Variants in KIAA1328 observed in about 807,000 individuals in gnomAD.
The protein encoded by KIAA1328 is protein hinderin.
Under a neutral mutation model 68.1 loss-of-function variants are expected in KIAA1328, and 52 were observed. The ratio of observed to expected loss-of-function variants is 0.76; its 90% CI spans 0.61 to 0.96. KIAA1328 has a LOEUF of 0.96. KIAA1328 is among the 40% of genes least tolerant of loss of function. The pLI is 0.00. For synonymous variants in KIAA1328, 232 were observed against 239.4 expected (o/e 0.97, Z 0.28); for missense variants, 641 against 677.6 (o/e 0.95, Z 0.60).
intron 6 of KIAA1328, among the ~76,000 whole-genome samples, chr18:37,066,037 C>T (rs1158958032): frequency 6.6e-6 from 1 of 152,168 alleles, no homozygotes; most frequent in Non-Finnish European, 1.5e-5. Context: ...CTGCTTCCGA[C>T]AGAAAGATTT....
chr18:37,064,040 A>G (rs2056253299), intron 6 of KIAA1328, among the ~76,000 whole-genome samples: 1 of 152,206 alleles, frequency 6.6e-6, no homozygotes, highest in African/African-American at 2.4e-5. Context: ...TAAGTACTAT[A>G]GAAGTTCAGA....
rs146793710 is a variant in KIAA1328 at position 37,066,723 on chromosome 18, C to G, written c.577-167C>G. 2.7e-4 allele frequency: 161 copies of G among 604,728 alleles called. No individual in the cohort carries two copies. In the East Asian group the frequency reaches 4.6e-3, roughly 17 times the overall value. 37.5% of individuals were successfully genotyped at this position (604,728 alleles called of 1,614,324 possible). On this transcript the variant is annotated intron_variant, in intron 6 of 9. Coordinates refer to ENST00000280020, the MANE Select transcript of KIAA1328 (RefSeq NM_020776.3). Reference sequence around the variant, plus strand: ...GTAGGTTGTTTGAAAATGGATGTAGCTTTGGGGCACAAGTCTGTTTAGCTG... The same window carrying G: ...GTAGGTTGTTTGAAAATGGATGTAGGTTTGGGGCACAAGTCTGTTTAGCTG...
intron 8 of KIAA1328, among the ~76,000 whole-genome samples, chr18:37,160,789 G>T (rs1256739261): frequency 2.0e-5 from 3 of 152,160 alleles, no homozygotes; most frequent in Admixed American, 2.0e-4. Context: ...AGAGGTCATG[G>T]ACAATTCCCC....
intron 5 of KIAA1328, among the ~76,000 whole-genome samples, chr18:36,916,709 G>A (rs947854932): frequency 1.3e-5 from 2 of 152,118 alleles, no homozygotes; most frequent in Non-Finnish European, 2.9e-5. Context: ...GGCACAGAGA[G>A]GAAAATTCTT....
chr18:36,843,167 C>G (rs886707765), intron 3 of KIAA1328, among the ~76,000 whole-genome samples: 1 of 152,206 alleles, frequency 6.6e-6, no homozygotes, highest in African/African-American at 2.4e-5. Flanking sequence ...AAAGCTAGAC[C>G]TACCTTTCCA....
chr18:37,026,693 T>C (rs2054596390), intron 6 of KIAA1328, among the ~76,000 whole-genome samples: 1 of 152,176 alleles, frequency 6.6e-6, no homozygotes, highest in Admixed American at 6.5e-5. Context: ...CTAAAACCTC[T>C]CAATGAACTA....
At chr18:36,998,467 A>G (rs1413421433) in intron 6 of KIAA1328, among the ~76,000 whole-genome samples, 1 of 152,192 alleles carries the variant, frequency 6.6e-6, no homozygotes, top group African/African-American at 2.4e-5. Flanking sequence ...TGAAGGACGA[A>G]AAATTGGCTT....
chr18:36,884,244 T>A (rs568166552), intron 4 of KIAA1328, among the ~76,000 whole-genome samples: 1 of 152,260 alleles, frequency 6.6e-6, no homozygotes, highest in South Asian at 2.1e-4. Flanking sequence ...TTCATGTGTA[T>A]GTATTTGTTT....
intron 6 of KIAA1328, among the ~76,000 whole-genome samples, chr18:36,989,722 T>A (rs1419136572): frequency 1.3e-5 from 2 of 151,894 alleles, no homozygotes; most frequent in Non-Finnish European, 2.9e-5. Flanking sequence ...TGAGACGGAG[T>A]CTAGCTCTGT....
chr18:37,074,249 C>T (rs952678158), intron 7 of KIAA1328, among the ~76,000 whole-genome samples: 3 of 152,210 alleles, frequency 2.0e-5, no homozygotes, highest in Non-Finnish European at 4.4e-5. Context: ...GCTTCTCCCA[C>T]ATTCAAGGTT....
chr18:36,968,747 A>G (rs1217599136), intron 6 of KIAA1328, among the ~76,000 whole-genome samples: 3 of 152,160 alleles, frequency 2.0e-5, no homozygotes, highest in South Asian at 4.1e-4. Context: ...AAAATTAACA[A>G]AGATATTCAG....
chr18:37,104,477 GAATGCTAGTTAC>G (rs1410081442), intron 7 of KIAA1328, among the ~76,000 whole-genome samples: 2 of 152,164 alleles, frequency 1.3e-5, no homozygotes, highest in Admixed American at 1.3e-4. Context: ...GTAGAGAGTA[GAATGCTAGTTAC>G]AGGAGGCTGT....
chr18:36,977,449 A>G (rs1319664024), intron 6 of KIAA1328, among the ~76,000 whole-genome samples: 1 of 152,170 alleles, frequency 6.6e-6, no homozygotes, highest in East Asian at 1.9e-4. Flanking sequence ...TGCTTTGGGT[A>G]TGAAATAAAT....
At chr18:37,038,105 AAAAAAAG>A (rs1355305740) in intron 6 of KIAA1328, among the ~76,000 whole-genome samples, 1 of 151,334 alleles carries the variant, frequency 6.6e-6, no homozygotes, top group Non-Finnish European at 1.5e-5. Context: ...TGTCTCAAAA[AAAAAAAG>A]AAAAAAGAAA....
At chr18:37,023,411 T>A (rs1331763106) in intron 6 of KIAA1328, among the ~76,000 whole-genome samples, 2 of 151,998 alleles carry the variant, frequency 1.3e-5, no homozygotes, top group African/African-American at 2.4e-5. Flanking sequence ...AGAGAGAAGA[T>A]CTCACTATGT....
chr18:37,070,310 T>G (rs187310366), intron 7 of KIAA1328, among the ~76,000 whole-genome samples: 23 of 152,276 alleles, frequency 1.5e-4, no homozygotes, highest in Admixed American at 1.5e-3. Context: ...TGGTGTGTTC[T>G]GTAAATTGTA....
chr18:37,145,192 G>C (rs1042547260), intron 7 of KIAA1328, among the ~76,000 whole-genome samples: 4 of 151,844 alleles, frequency 2.6e-5, no homozygotes, highest in Non-Finnish European at 5.9e-5. Flanking sequence ...GCAACAGGGT[G>C]AGAATCAGTC....
chr18:36,964,992 T>A (rs1479507680), intron 6 of KIAA1328, among the ~76,000 whole-genome samples: 5 of 152,132 alleles, frequency 3.3e-5, no homozygotes, highest in African/African-American at 1.2e-4. Flanking sequence ...ACAAAAGTTG[T>A]CGTATTTCCT....
At chr18:37,043,091 A>G (rs2055323239) in intron 6 of KIAA1328, among the ~76,000 whole-genome samples, 1 of 151,618 alleles carries the variant, frequency 6.6e-6, no homozygotes, top group African/African-American at 2.4e-5. Context: ...TCTTTGTTGT[A>G]AAAAAAAATT....
Sources: allele counts gnomAD v4.1 joint callset (sites outside exome capture counted in the v4.1 genomes callset), GRCh38; gene constraint gnomAD v4.1.1; transcripts MANE v1.5; gene names NCBI Gene and HGNC (gene_info 2026-07-23, HGNC 2026-07-21).